ASIC2: variants seen among roughly 807,000 people sequenced by gnomAD.
The protein encoded by ASIC2 is acid-sensing ion channel 2.
ASIC2 carries 25 observed loss-of-function variants against 57.3 expected under a neutral mutation model. The observed-to-expected ratio is 0.44, with a 90% CI of 0.32 to 0.61. The LOEUF (loss-of-function observed/expected upper bound fraction) is 0.61, where lower values mean the gene tolerates loss of function less well. Among genes scored for constraint, ASIC2 ranks in the 20% least tolerant of loss-of-function variants. ASIC2 has a pLI of 0.06. For synonymous variants in ASIC2, 319 were observed against 307.5 expected, an observed-to-expected ratio of 1.04 and a Z score of -0.39; for missense variants, 641 against 738.1, an observed-to-expected ratio of 0.87 and a Z score of 1.52.
chr17:33,696,738 T>C (rs1567691533), intron 1 of ASIC2, among the ~76,000 whole-genome samples: 1 of 152,190 alleles, frequency 6.6e-6, no homozygotes, highest in Non-Finnish European at 1.5e-5. Context: ...CACAGAGTCA[T>C]TGAATATGTA....
chr17:33,872,762 A>G (rs1914451395), intron 1 of ASIC2, among the ~76,000 whole-genome samples: 1 of 152,196 alleles, frequency 6.6e-6, no homozygotes, highest in South Asian at 2.1e-4. Context: ...AGGGCAAAGG[A>G]GAAATTCCTT....
chr17:33,879,783 C>A (rs1914652186), intron 1 of ASIC2, among the ~76,000 whole-genome samples: 1 of 152,178 alleles, frequency 6.6e-6, no homozygotes, highest in African/African-American at 2.4e-5. Context: ...ACTCTCCACC[C>A]AAAATCAACA....
At chr17:33,103,294 A>G (rs2092221467) in intron 2 of ASIC2, among the ~76,000 whole-genome samples, 2 of 152,188 alleles carry the variant, frequency 1.3e-5, no homozygotes, top group South Asian at 2.1e-4. Context: ...TAAGCACTTC[A>G]TAAATATTAA....
At chr17:33,198,562 G>T (rs534570692) in intron 1 of ASIC2, among the ~76,000 whole-genome samples, 21 of 152,294 alleles carry the variant, frequency 1.4e-4, no homozygotes, top group African/African-American at 4.8e-4. Flanking sequence ...CCCTGCACAT[G>T]GTGACTGATC....
intron 1 of ASIC2, among the ~76,000 whole-genome samples, chr17:33,870,238 T>G (rs1167797595): frequency 2.9e-5 from 4 of 137,702 alleles, no homozygotes; most frequent in South Asian, 5.5e-4. Context: ...TTTTTTTTTT[T>G]TTTTTTTTTT....
At chr17:34,054,860 T>C (rs932754426) in intron 1 of ASIC2, among the ~76,000 whole-genome samples, 1 of 152,138 alleles carries the variant, frequency 6.6e-6, no homozygotes, top group Admixed American at 6.5e-5. Context: ...CATGCCTTCA[T>C]AGTCTGTCTT....
At chr17:33,812,304 A>C (rs1912445353) in intron 1 of ASIC2, among the ~76,000 whole-genome samples, 1 of 152,186 alleles carries the variant, frequency 6.6e-6, no homozygotes, top group South Asian at 2.1e-4. Context: ...TCAAATCAAC[A>C]AGACAACGGC....
intron 1 of ASIC2, among the ~76,000 whole-genome samples, chr17:33,337,017 G>C (rs1310080901): frequency 6.6e-6 from 1 of 152,128 alleles, no homozygotes; most frequent in African/African-American, 2.4e-5. Flanking sequence ...AGAATGTCCA[G>C]CTCCGTTTCT....
At chr17:33,543,167 G>A (rs1597776445) in intron 1 of ASIC2, among the ~76,000 whole-genome samples, 1 of 148,846 alleles carries the variant, frequency 6.7e-6, no homozygotes, top group South Asian at 2.2e-4. Flanking sequence ...GGATAGCATT[G>A]GGAGATATAC....
chr17:33,228,743 T>C (rs1832449994), intron 1 of ASIC2, among the ~76,000 whole-genome samples: 1 of 152,224 alleles, frequency 6.6e-6, no homozygotes, highest in African/African-American at 2.4e-5. Flanking sequence ...ACAATCTACA[T>C]GCACTTCCAC....
At chr17:33,399,142 G>A (rs900543932) in intron 1 of ASIC2, among the ~76,000 whole-genome samples, 1 of 152,104 alleles carries the variant, frequency 6.6e-6, no homozygotes, top group African/African-American at 2.4e-5. Context: ...AAGAAATATG[G>A]GGTTGGAGGT....
intron 1 of ASIC2, among the ~76,000 whole-genome samples, chr17:33,354,978 C>A (rs2142253511): frequency 6.6e-6 from 1 of 152,286 alleles, no homozygotes; most frequent in Admixed American, 6.5e-5. Flanking sequence ...CTGGGAGCAG[C>A]CTGTGGGCAG....
At chr17:33,582,748 A>C (rs1285803521) in intron 1 of ASIC2, among the ~76,000 whole-genome samples, 17 of 152,008 alleles carry the variant, frequency 1.1e-4, no homozygotes, top group Admixed American at 1.1e-3. Flanking sequence ...TGGTCTCCAC[A>C]CCCCACCCCC....
intron 1 of ASIC2, among the ~76,000 whole-genome samples, chr17:34,048,649 T>C (rs563899502): frequency 2.0e-5 from 3 of 152,260 alleles, no homozygotes; most frequent in Non-Finnish European, 4.4e-5. Context: ...AACTGCTCTA[T>C]CTCAATTTCT....
At chr17:33,148,358 CA>C (rs1904650303) in intron 1 of ASIC2, among the ~76,000 whole-genome samples, 1 of 152,228 alleles carries the variant, frequency 6.6e-6, no homozygotes, top group Non-Finnish European at 1.5e-5. Context: ...CAGGAAGTGG[CA>C]AAGCCAGGAC....
intron 1 of ASIC2, among the ~76,000 whole-genome samples, chr17:33,649,802 T>C (rs1906861391): frequency 1.3e-5 from 2 of 152,318 alleles, no homozygotes; most frequent in South Asian, 2.1e-4. Flanking sequence ...CAAATGATGC[T>C]GGAGCAAGTG....
intron 1 of ASIC2, among the ~76,000 whole-genome samples, chr17:33,118,791 C>T (rs899294787): frequency 9.9e-5 from 15 of 152,072 alleles, no homozygotes; most frequent in African/African-American, 3.4e-4. Flanking sequence ...TGCTTTTCCT[C>T]GAAGCCTTCT....
intron 1 of ASIC2, among the ~76,000 whole-genome samples, chr17:34,056,425 T>C (rs1000776050): frequency 2.0e-5 from 3 of 152,152 alleles, no homozygotes; most frequent in African/African-American, 7.2e-5. Flanking sequence ...TGGTAATTGG[T>C]AATAGCTACC....
chr17:33,224,187 G>A (rs914157112), intron 1 of ASIC2, among the ~76,000 whole-genome samples: 7 of 152,196 alleles, frequency 4.6e-5, no homozygotes, highest in African/African-American at 1.7e-4. Context: ...AACCAATGGG[G>A]CTGTGTTAGA....
Sources: gnomAD v4.1 joint callset for allele counts (sites outside exome capture counted in the v4.1 genomes callset) on GRCh38, gnomAD v4.1.1 for gene constraint, MANE v1.5 for transcripts, NCBI Gene and HGNC (gene_info 2026-07-23, HGNC 2026-07-21) for gene names.